The following DNAJB2 variants were observed in gnomAD, a reference collection of about 807,000 sequenced individuals.
The protein encoded by DNAJB2 is DnaJ heat shock protein family (Hsp40) member B2, also known as dnaJ homolog subfamily B member 2.
Under a neutral mutation model 33.3 loss-of-function variants are expected in DNAJB2, and 19 were observed. That is an observed-to-expected ratio of 0.57 (90% CI 0.40 to 0.84). The LOEUF is 0.84. Among genes scored for constraint, DNAJB2 ranks in the 40% least tolerant of loss-of-function variants. DNAJB2 has a pLI of 0.00. For missense variants in DNAJB2, 368 were observed against 430.9 expected (o/e 0.85, Z 1.29); for synonymous variants, 172 against 164.6 (o/e 1.04, Z -0.34).
In DNAJB2 at chr2:219,285,123, G is replaced by T. The variant is rs181284606; in HGVS notation, c.*136G>T. 1.1e-4 allele frequency: 157 copies of T among 1,378,714 alleles called. 2 individuals carry two copies. The African/African-American group carries it at 2.2e-3, about 19-fold the overall frequency. 85.4% of individuals were successfully genotyped at this position (1,378,714 alleles called of 1,614,324 possible). ...CTCCCTCCACAAGTTTCCCTCCCAG[G>T]CCCCCCACACCCCAGTGTGGACTTG... On this transcript the variant is annotated 3_prime_UTR_variant, in exon 9 of 9. Transcript: ENST00000336576.
At chr2:219,283,324 C>T in intron 7 of DNAJB2, 89 bp downstream of exon 7, 2 of 1,604,570 alleles carry the variant, frequency 1.2e-6, no homozygotes, top group Non-Finnish European at 1.7e-6. Flanking sequence ...AGGGCAGGGC[C>T]CAGTCTGCGC....
chr2:219,284,422 T>C (rs1402762016), intron 8 of DNAJB2, among the ~76,000 whole-genome samples: 1 of 152,160 alleles, frequency 6.6e-6, no homozygotes, highest in Non-Finnish European at 1.5e-5. Context: ...GGGGTAGGGA[T>C]GTTGAGTGAC....
At chr2:219,283,104 C>A in intron 6 of DNAJB2, 29 bp from the exon 7 acceptor site, 1 of 1,606,062 alleles carries the variant, frequency 6.2e-7, no homozygotes, top group Non-Finnish European at 8.5e-7. Flanking sequence ...CTAACCACCT[C>A]TCCTCCTCCT....
intron 3 of DNAJB2, 190 bp from the exon 4 acceptor site, chr2:219,281,526 GAA>G (rs1951903825): frequency 1.6e-6 from 1 of 640,222 alleles, no homozygotes; most frequent in Non-Finnish European, 2.7e-6. Flanking sequence ...TTCCAGATGA[GAA>G]GAGGCCAGCT....
In DNAJB2 at chr2:219,284,753, C is replaced by A. The variant is rs564252894; in HGVS notation, c.741C>A (p.Ser247Arg). The change falls in exon 9 of 9, where the codon AGC (serine) becomes AGA (arginine). Residue 247 changes from serine (S) to arginine (R), a missense_variant. Physicochemically the swap from Ser to Arg is moderately radical, Grantham distance 110. Coordinates refer to ENST00000336576, the MANE Select transcript of DNAJB2 (RefSeq NM_006736.6). Reference protein sequence around the residue: ...QQTPASCPLDSDLSEDEDLQL... With the variant: ...QQTPASCPLDRDLSEDEDLQL... ...CCCCTGCCTCATGCCCCTTGGACAG[C>A]GACCTCTCTGAGGATGAGGACCTGC... is the stretch of plus-strand genomic sequence containing the variant. 2 of 1,613,452 alleles carry A rather than the reference C, an allele frequency of 1.2e-6. No individual in the cohort carries two copies.
Position 219,284,612 on chromosome 2 carries a change from G to T in DNAJB2, c.620-20G>T. 6.4e-7 allele frequency: 1 copy of T among 1,564,506 alleles called. No individual in the cohort carries two copies. Among genetic ancestry groups the T allele is most frequent in the East Asian group, 2.3e-5 (1 of 44,150 alleles). On this transcript the variant is annotated intron_variant, in intron 8 of 8. Transcript: ENST00000336576. Reference sequence around the variant, plus strand: ...CCCCTGGCTCAGGTTGGGGCCTCATGGTGGCTGTGACTCTTGCAGGTGTCC... The same window carrying T: ...CCCCTGGCTCAGGTTGGGGCCTCATTGTGGCTGTGACTCTTGCAGGTGTCC...
At chr2:219,280,735 T>G (rs753121404) in intron 3 of DNAJB2, 48 bp downstream of exon 3, 3 of 1,362,052 alleles carry the variant, frequency 2.2e-6, no homozygotes, top group Non-Finnish European at 3.1e-6. Context: ...CCCTACTTCA[T>G]GCCCCAGCTC....
chr2:219,285,173 C>CTGA lies in DNAJB2; in HGVS notation c.*188_*190dup. On this transcript the variant is annotated 3_prime_UTR_variant, in exon 9 of 9. Coordinates refer to ENST00000336576, the MANE Select transcript of DNAJB2 (RefSeq NM_006736.6). ...GGGATTTGCTGTGCTCAGCCCAGGG[C>CTGA]TGATAGGTCCCTGGTGAAGCCCAGG... is the stretch of plus-strand genomic sequence containing the variant. 7.7e-7 allele frequency: 1 copy of CTGA among 1,294,192 alleles called. No homozygotes were observed. The highest frequency in any genetic ancestry group is 3.5e-5 in the Admixed American group (1 of 28,592). 80.2% of individuals were successfully genotyped at this position (1,294,192 alleles called of 1,614,324 possible).
Position 219,279,572 on chromosome 2 carries a change from T to TG in DNAJB2, c.-37+60dup. 1 of 467,176 alleles carries TG rather than the reference T, an allele frequency of 2.1e-6. No homozygotes were observed. The allele number at this position is 467,176 out of a possible 1,614,324, so 28.9% of individuals were successfully genotyped here. A position where few individuals can be genotyped will look rare whatever the true frequency, so the allele number is the denominator to read the frequency against. ...GGGCCCTGGATCGGACTGCTGGAGT[T>TG]GGGGGGCCCCGATAGGGCTCCTGGG... On this transcript the variant is annotated intron_variant, in intron 1 of 8. Coordinates refer to ENST00000336576, the MANE Select transcript of DNAJB2 (RefSeq NM_006736.6). The surrounding 1 kb of genome is among the most constrained non-coding windows in gnomAD (Gnocchi z 4.9).
Position 219,285,618 on chromosome 2 carries a change from G to A in DNAJB2, c.*631G>A. Reference sequence around the variant, plus strand: ...CTTCCTTCCCCGAGAAGGCCTCAATGTGGCGAGGAAGATGCTGGGGCCGGT... The same window carrying A: ...CTTCCTTCCCCGAGAAGGCCTCAATATGGCGAGGAAGATGCTGGGGCCGGT... On this transcript the variant is annotated 3_prime_UTR_variant, in exon 9 of 9. Transcript: ENST00000336576. 9.2e-7 allele frequency: 1 copy of A among 1,091,864 alleles called. No individual in the cohort carries two copies. The highest frequency in any genetic ancestry group is 1.1e-6 in the Non-Finnish European group (1 of 897,654). The allele number at this position is 1,091,864 out of a possible 1,614,324, so 67.6% of individuals were successfully genotyped here.
Position 219,285,724 on chromosome 2 carries a change from T to C in DNAJB2, c.*737T>C. 7.9e-7 allele frequency: 1 copy of C among 1,263,804 alleles called. No individual in the cohort carries two copies. The highest frequency in any genetic ancestry group is 1.0e-6 in the Non-Finnish European group (1 of 999,946). 78.3% of individuals were successfully genotyped at this position (1,263,804 alleles called of 1,614,324 possible). ...GTCCAGATTCAGAACTGGAGCCCAC[T>C]CCTCCTCCCTCTCGTTGCCTCAGCC... On this transcript the variant is annotated 3_prime_UTR_variant, in exon 9 of 9. Transcript: ENST00000336576.
Position 219,282,071 on chromosome 2 carries a change from C to T in DNAJB2, c.352+10C>T. On this transcript the variant is annotated intron_variant, in intron 5 of 8. Transcript: ENST00000336576. ...TTTGCAGAGCTCTTTGGTGAGTGGA[C>T]TCTGGAAGCCTCTGAATGGCTCAAC... The T allele has an allele frequency of 6.2e-7, 1 of 1,614,028 alleles. No homozygotes were observed. Among genetic ancestry groups the T allele is most frequent in the East Asian group, 2.2e-5 (1 of 44,874 alleles).
Position 219,285,196 on chromosome 2 carries a change from A to C in DNAJB2, c.*209A>C. On this transcript the variant is annotated 3_prime_UTR_variant, in exon 9 of 9. Coordinates refer to ENST00000336576, the MANE Select transcript of DNAJB2 (RefSeq NM_006736.6). ...GGCTGATAGGTCCCTGGTGAAGCCC[A>C]GGGTGGGGGGTGTCAGGGCAGTGGA... 1 of 1,254,668 alleles carries C rather than the reference A, an allele frequency of 8.0e-7. No individual in the cohort carries two copies. The allele number at this position is 1,254,668 out of a possible 1,614,324, so 77.7% of individuals were successfully genotyped here.
At chr2:219,282,963 C>A (rs777631335) in intron 6 of DNAJB2, 34 bp downstream of exon 6, 1 of 1,565,162 alleles carries the variant, frequency 6.4e-7, no homozygotes, top group Non-Finnish European at 8.6e-7. Context: ...TTGCAAGCTC[C>A]GATTCCTGGA....
Position 219,283,136 on chromosome 2 carries a change from TCTC to T in DNAJB2, c.456_458del (p.Ser154del), listed in dbSNP as rs1395218846. On this transcript the variant is annotated inframe_deletion, in exon 7 of 9. Transcript: ENST00000336576. ...TCCTCCCTTGTCCCGATGCCAGATT[TCTC>T]CTCCTCATCTTTCTCCTTCAGTCCT... is the stretch of plus-strand genomic sequence containing the variant. 6.8e-6 allele frequency: 11 copies of T among 1,614,100 alleles called. No homozygotes were observed. The Admixed American group carries it at 8.3e-5, about 12-fold the overall frequency.
chr2:219,283,574 G>C, intron 8 of DNAJB2, 85 bp downstream of exon 8: 4 of 1,410,834 alleles, frequency 2.8e-6, no homozygotes, highest in Non-Finnish European at 2.9e-6. Context: ...GCTGCTCTCT[G>C]AACTCACTTA....
At chr2:219,282,242 T>C in intron 5 of DNAJB2, 181 bp downstream of exon 5, 1 of 819,438 alleles carries the variant, frequency 1.2e-6, no homozygotes, top group African/African-American at 1.7e-5. Flanking sequence ...AGAACCCCCG[T>C]AATCCAACAG....
Position 219,286,060 on chromosome 2 carries a change from C to T in DNAJB2, c.*1073C>T, listed in dbSNP as rs1365541764. 1.5e-6 allele frequency: 2 copies of T among 1,370,226 alleles called. No individual in the cohort carries two copies. The highest frequency in any genetic ancestry group is 1.9e-6 in the Non-Finnish European group (2 of 1,029,978). 84.9% of individuals were successfully genotyped at this position (1,370,226 alleles called of 1,614,324 possible). On this transcript the variant is annotated 3_prime_UTR_variant, in exon 9 of 9. Transcript: ENST00000336576. The stretch of plus-strand genomic sequence containing the variant: ...ACAGGACAGCGCCTTCCCCCATGCG[C>T]TGGGAGGGGACCCTCCATTTCTCCC...
chr2:219,284,964 G>C lies in DNAJB2; in HGVS notation c.952G>C (p.Ala318Pro), dbSNP rs1486406042. 3.9e-6 allele frequency: 6 copies of C among 1,520,686 alleles called. No individual in the cohort carries two copies. Among genetic ancestry groups the C allele is most frequent in the Non-Finnish European group, 5.3e-6 (6 of 1,130,038 alleles). 94.2% of individuals were successfully genotyped at this position (1,520,686 alleles called of 1,614,324 possible). A position where few individuals can be genotyped will look rare whatever the true frequency, so the allele number is the denominator to read the frequency against. ...TKRSPSPEEK[A>P]SRCLIL ...ACGCAGTCCATCCCCAGAGGAGAAG[G>C]CCTCTCGCTGCCTCATCCTCTGAAC... Residue 318 changes from alanine (A) to proline (P), a missense_variant, in exon 9 of 9, where the codon GCC (alanine) becomes CCC (proline). Transcript: ENST00000336576.
Sources: allele counts gnomAD v4.1 joint callset (sites outside exome capture counted in the v4.1 genomes callset), GRCh38; gene constraint gnomAD v4.1.1; non-coding constraint Gnocchi (gnomAD v3.1); transcripts MANE v1.5; gene names NCBI Gene and HGNC (gene_info 2026-07-23, HGNC 2026-07-21).